The following HOMER2 variants were observed in gnomAD, a reference collection of about 807,000 sequenced individuals.
The protein encoded by HOMER2 is homer protein homolog 2.
In HOMER2, 27 loss-of-function variants were observed where a neutral mutation model predicts 47.0. That is an observed-to-expected ratio of 0.57 (90% CI 0.42 to 0.79). The LOEUF (loss-of-function observed/expected upper bound fraction) is 0.79, where lower values mean the gene tolerates loss of function less well. HOMER2 is among the 30% of genes least tolerant of loss of function. The pLI, the probability that HOMER2 is intolerant of heterozygous loss-of-function variation, is 0.00. For missense variants in HOMER2, 443 were observed against 435.0 expected (o/e 1.02, Z -0.16); for synonymous variants, 161 against 163.8 (o/e 0.98, Z 0.13).
intron 1 of HOMER2, among the ~76,000 whole-genome samples, chr15:82,984,549 C>T (rs778358558): frequency 9.2e-5 from 14 of 152,190 alleles, no homozygotes; most frequent in Middle Eastern, 6.3e-3. Context: ...CTGGGCTCCA[C>T]GGCTCAGGCC....
intron 1 of HOMER2, among the ~76,000 whole-genome samples, chr15:82,966,863 T>C (rs1047416473): frequency 6.6e-6 from 1 of 152,190 alleles, no homozygotes; most frequent in Admixed American, 6.5e-5. Flanking sequence ...AACTTTAACT[T>C]CCTCAAGATT....
chr15:82,983,308 G>A (rs2030459431), intron 1 of HOMER2, among the ~76,000 whole-genome samples: 1 of 152,060 alleles, frequency 6.6e-6, no homozygotes, highest in South Asian at 2.1e-4. Context: ...CAGTCCTGTC[G>A]GGGAGCAACT....
chr15:82,862,070 CT>C (rs57065775), intron 4 of HOMER2, among the ~76,000 whole-genome samples: 52,279 of 145,706 alleles, frequency 0.36, 9,603 homozygotes, highest in African/African-American at 0.46. Flanking sequence ...CTTTCTCTCT[CT>C]TTTTTTTTTT....
chr15:82,911,204 T>C (rs375326840), intron 1 of HOMER2, among the ~76,000 whole-genome samples: 1 of 152,118 alleles, frequency 6.6e-6, no homozygotes, highest in African/African-American at 2.4e-5. Context: ...AACAAAGAAA[T>C]CTTCAAAAAG....
chr15:82,844,628 G>GT (rs543957382), downstream of HOMER2: 19 of 152,120 alleles, frequency 1.2e-4, no homozygotes, highest in South Asian at 4.2e-4. Context: ...CAGGTGATTG[G>GT]TTTTTTTCCC....
At chr15:82,976,925 C>A (rs532753272) in intron 1 of HOMER2, among the ~76,000 whole-genome samples, 1 of 152,070 alleles carries the variant, frequency 6.6e-6, no homozygotes, top group African/African-American at 2.4e-5. Flanking sequence ...ATCTGCCCCC[C>A]TCGGCCTCCC....
chr15:82,896,170 G>T (rs1400146855), intron 1 of HOMER2, among the ~76,000 whole-genome samples: 1 of 152,092 alleles, frequency 6.6e-6, no homozygotes, highest in Admixed American at 6.5e-5. Flanking sequence ...GAGCTGTTCT[G>T]GTCAGGAAGG....
chr15:82,976,554 T>A (rs2030209144), intron 1 of HOMER2, among the ~76,000 whole-genome samples: 1 of 150,890 alleles, frequency 6.6e-6, no homozygotes, highest in East Asian at 2.0e-4. Context: ...CCGCCTCGGC[T>A]TCCCAAAGTG....
intron 1 of HOMER2, among the ~76,000 whole-genome samples, chr15:82,928,067 C>T (rs1326947830): frequency 6.6e-6 from 1 of 152,136 alleles, no homozygotes; most frequent in Non-Finnish European, 1.5e-5. Context: ...CGGGCCCGGC[C>T]CAACTCTGTA....
intron 3 of HOMER2, among the ~76,000 whole-genome samples, chr15:82,868,542 T>TATATATATATATATATA (rs370867216): frequency 1.1e-3 from 47 of 42,662 alleles, no homozygotes; most frequent in South Asian, 2.2e-3. Context: ...TATATATATA[T>TATATATATATATATATA]TTTTTTTTTT....
chr15:82,881,246 G>C (rs2052512504), intron 2 of HOMER2, among the ~76,000 whole-genome samples: 1 of 152,230 alleles, frequency 6.6e-6, no homozygotes, highest in African/African-American at 2.4e-5. Flanking sequence ...AGGTAATCAA[G>C]AGCTGCTTGG....
In HOMER2 at chr15:82,849,779, T is replaced by A; in HGVS notation, c.968A>T (p.Asp323Val). 6.2e-7 allele frequency: 1 copy of A among 1,613,956 alleles called. No homozygotes were observed. Among genetic ancestry groups the A allele is most frequent in the Non-Finnish European group, 8.5e-7 (1 of 1,179,870 alleles). Residue 323 changes from aspartate to valine, a missense_variant, in exon 9 of 9, where the codon GAC becomes GTC. Transcript: ENST00000450735. ...GTCATGCAGGTCGTCAATCTTCCCG[T>A]CCAGCACCTCCAGGAAGCTCTTCAA... is the stretch of plus-strand genomic sequence containing the variant. ...VELKSFLEVL[D>V]GKIDDLHDFR...
At chr15:82,836,548 A>G (rs2151579994), downstream of HOMER2, among the ~76,000 whole-genome samples, 1 of 152,304 alleles carries the variant, frequency 6.6e-6, no homozygotes, top group Non-Finnish European at 1.5e-5. Flanking sequence ...CTTAGGTCTC[A>G]ACCCCACAGC....
upstream of HOMER2, among the ~76,000 whole-genome samples, chr15:82,953,382 A>G (rs2151244198): frequency 6.6e-6 from 1 of 152,272 alleles, no homozygotes; most frequent in Admixed American, 6.5e-5. Flanking sequence ...CCTTAGAGCG[A>G]GGGGAATTAG....
At chr15:82,874,614 T>A (rs972546629) in intron 3 of HOMER2, among the ~76,000 whole-genome samples, 3 of 152,122 alleles carry the variant, frequency 2.0e-5, no homozygotes, top group Admixed American at 2.0e-4. Flanking sequence ...GAGCTATGAA[T>A]CCTCTCCCTA....
At chr15:82,859,970 G>T (rs906498297) in intron 4 of HOMER2, among the ~76,000 whole-genome samples, 6 of 152,108 alleles carry the variant, frequency 3.9e-5, no homozygotes, top group African/African-American at 1.2e-4. Context: ...AATGTCGGCC[G>T]GGCGCGGTGG....
chr15:82,914,769 C>T (rs183532118), intron 1 of HOMER2, among the ~76,000 whole-genome samples: 90 of 152,102 alleles, frequency 5.9e-4, no homozygotes, highest in African/African-American at 1.9e-3. Context: ...CTGGTGAGGT[C>T]GGGGATGGCT....
At chr15:82,940,881 G>A (rs866158530) in intron 1 of HOMER2, among the ~76,000 whole-genome samples, 3 of 151,522 alleles carry the variant, frequency 2.0e-5, no homozygotes, top group Middle Eastern at 6.8e-3. Flanking sequence ...GAGTGACAGA[G>A]CAAGACCCTG....
In HOMER2 at chr15:82,896,030, G is replaced by A. The variant is rs868865814; in HGVS notation, c.6-3189C>T. On this transcript the variant is annotated intron_variant, in intron 1 of 8. Transcript: ENST00000450735. ...ATCTCTACTCCAGAACAACACTGGT[G>A]ACTGAATGACACAGGGAGACTCCAG... Among the ~76,000 whole-genome samples, 11 of 152,298 alleles carry A rather than the reference G, an allele frequency of 7.2e-5. 1 individual carries two copies. In the Middle Eastern group the frequency reaches 0.017, roughly 235 times the overall value.
Sources: allele counts gnomAD v4.1 joint callset (sites outside exome capture counted in the v4.1 genomes callset), GRCh38; gene constraint gnomAD v4.1.1; transcripts MANE v1.5; gene names NCBI Gene and HGNC (gene_info 2026-07-23, HGNC 2026-07-21).